Variants in SLC39A11 observed in about 807,000 individuals in gnomAD.
The protein encoded by SLC39A11 is zinc transporter ZIP11.
In SLC39A11, 33 loss-of-function variants were observed where a neutral mutation model predicts 36.1. The observed-to-expected ratio is 0.91, with a 90% CI of 0.69 to 1.22. The LOEUF is 1.22. Ranked by LOEUF, SLC39A11 falls within the 50% of genes most tolerant of loss-of-function variation. The pLI is 0.00. For missense variants in SLC39A11, 432 were observed against 430.3 expected (o/e 1.00, Z -0.03); for synonymous variants, 166 against 170.3 (o/e 0.97, Z 0.20).
chr17:72,957,653 T>C (rs912133301), intron 4 of SLC39A11, among the ~76,000 whole-genome samples: 1 of 152,190 alleles, frequency 6.6e-6, no homozygotes, highest in African/African-American at 2.4e-5. Context: ...ATCCCATCTC[T>C]ACTAAAAATA....
intron 6 of SLC39A11, among the ~76,000 whole-genome samples, chr17:72,744,272 C>T (rs1484771417): frequency 6.6e-6 from 1 of 152,068 alleles, no homozygotes; most frequent in Admixed American, 6.6e-5. Flanking sequence ...ATTTGGTAGT[C>T]GGGGACTATC....
intron 4 of SLC39A11, among the ~76,000 whole-genome samples, chr17:73,002,098 G>A (rs1330057291): frequency 6.6e-6 from 1 of 152,026 alleles, no homozygotes; most frequent in African/African-American, 2.4e-5. Context: ...ATTACAAAAT[G>A]CATTCTATTG....
At chr17:73,076,975 C>T (rs1233505649) in intron 3 of SLC39A11, among the ~76,000 whole-genome samples, 2 of 151,930 alleles carry the variant, frequency 1.3e-5, no homozygotes, top group African/African-American at 2.4e-5. Flanking sequence ...AAGTAGCATC[C>T]CTGGCCTCTA....
At chr17:73,033,034 T>G (rs773443614) in intron 3 of SLC39A11, among the ~76,000 whole-genome samples, 1 of 152,122 alleles carries the variant, frequency 6.6e-6, no homozygotes, top group African/African-American at 2.4e-5. Context: ...GGCAGTGGTT[T>G]TGGGATGAAA....
At chr17:72,774,986 T>C (rs1421846371) in intron 6 of SLC39A11, among the ~76,000 whole-genome samples, 1 of 149,188 alleles carries the variant, frequency 6.7e-6, no homozygotes, top group Admixed American at 6.6e-5. Flanking sequence ...TAATGGTGTC[T>C]GGCTACAAAG....
rs550375487 is a variant in SLC39A11, at chr17:72,843,993, G to A, written c.601+5641C>T. 6.2e-4 allele frequency among the ~76,000 whole-genome samples: 94 copies of A among 151,286 alleles called. 1 individual carries two copies. The Middle Eastern group carries it at 0.014, about 22-fold the overall frequency. On this transcript the variant is annotated intron_variant, in intron 6 of 9. Coordinates refer to ENST00000255559, the MANE Select transcript of SLC39A11 (RefSeq NM_139177.4). The stretch of plus-strand genomic sequence containing the variant: ...TTTTTTAGCAAAATGTCATCCTCAG[G>A]ACATACTAAACTGAAATAGCAAAGA...
chr17:72,835,304 C>A (rs375406510), intron 6 of SLC39A11, among the ~76,000 whole-genome samples: 1 of 152,188 alleles, frequency 6.6e-6, no homozygotes, highest in Non-Finnish European at 1.5e-5. Context: ...CCATCTGTGA[C>A]GTCCCCATTT....
chr17:73,020,879 T>C (rs1284546007), intron 4 of SLC39A11, among the ~76,000 whole-genome samples: 3 of 151,888 alleles, frequency 2.0e-5, no homozygotes, highest in Admixed American at 2.0e-4. Context: ...GACAGGGTTT[T>C]ACCATATTGG....
intron 7 of SLC39A11, among the ~76,000 whole-genome samples, chr17:72,671,498 A>T (rs956859182): frequency 4.6e-5 from 7 of 152,342 alleles, no homozygotes; most frequent in Admixed American, 4.6e-4. Context: ...AGGCAGGTGG[A>T]TCATCTGAGG....
chr17:72,797,815 GC>G (rs903453076), intron 6 of SLC39A11, among the ~76,000 whole-genome samples: 1 of 152,150 alleles, frequency 6.6e-6, no homozygotes, highest in Admixed American at 6.5e-5. Flanking sequence ...ACTTCCTAAT[GC>G]TGCCTCTGGG....
chr17:72,975,174 C>T (rs902294697), intron 4 of SLC39A11, among the ~76,000 whole-genome samples: 1 of 152,162 alleles, frequency 6.6e-6, no homozygotes, highest in Non-Finnish European at 1.5e-5. Flanking sequence ...GGCGGTGGCT[C>T]ACACCTGGAA....
rs1052363853 is a variant in SLC39A11, at chr17:73,026,175, G to A, written c.306+5381C>T. Among the ~76,000 whole-genome samples the A allele has an allele frequency of 1.5e-3, 56 of 38,062 alleles. 1 individual carries two copies. The highest frequency in any genetic ancestry group is 0.014 in the Middle Eastern group (1 of 70). 25.0% of individuals were successfully genotyped at this position (38,062 alleles called of 152,430 possible). On this transcript the variant is annotated intron_variant, in intron 4 of 9. Coordinates refer to ENST00000255559, the MANE Select transcript of SLC39A11 (RefSeq NM_139177.4). ...AGAGCAGAGGAGAGAAGAGAGGAGA[G>A]GAGAAAGAGAAGAGAGAAGAGAAGG...
intron 5 of SLC39A11, among the ~76,000 whole-genome samples, chr17:72,930,525 G>A (rs1160783393): frequency 2.0e-5 from 3 of 152,184 alleles, no homozygotes; most frequent in Non-Finnish European, 2.9e-5. Context: ...ATAAGGTTCT[G>A]AGGAAAAGAA....
intron 4 of SLC39A11, among the ~76,000 whole-genome samples, chr17:72,970,728 G>A (rs1292351876): frequency 6.6e-6 from 1 of 152,224 alleles, no homozygotes; most frequent in Non-Finnish European, 1.5e-5. Flanking sequence ...GGAGTGCCTG[G>A]GTCAAAGGGC....
intron 3 of SLC39A11, among the ~76,000 whole-genome samples, chr17:73,055,132 C>A (rs55974215): frequency 0.4 from 61,123 of 151,918 alleles, 12,851 homozygotes; most frequent in Non-Finnish European, 0.46. Flanking sequence ...GTGTCCCTGT[C>A]CCAAGCCAGT....
rs1413244156 is a variant in SLC39A11 at position 72,822,352 on chromosome 17, T to TAG, written c.601+27281_601+27282insCT. Among the ~76,000 whole-genome samples, 37 of 148,618 alleles carry TAG rather than the reference T, an allele frequency of 2.5e-4. 1 individual carries two copies. Among genetic ancestry groups the TAG allele is most frequent in the African/African-American group, 9.0e-4 (37 of 40,966 alleles). On this transcript the variant is annotated intron_variant, in intron 6 of 9. Transcript: ENST00000255559. The stretch of plus-strand genomic sequence containing the variant: ...GAGAGAGAGAGAGAAAGAATATATA[T>TAG]ATAGAGAGAGAGAGGGAGAGAGATC...
At chr17:72,985,113 G>A (rs1007093591) in intron 4 of SLC39A11, among the ~76,000 whole-genome samples, 1 of 152,212 alleles carries the variant, frequency 6.6e-6, no homozygotes, top group African/African-American at 2.4e-5. Context: ...CTAGGAATGT[G>A]CACACTCCAC....
chr17:73,054,139 T>C (rs2059592782), intron 3 of SLC39A11, among the ~76,000 whole-genome samples: 1 of 152,148 alleles, frequency 6.6e-6, no homozygotes, highest in South Asian at 2.1e-4. Context: ...CCGAGGTGGG[T>C]GGACCACACA....
chr17:72,777,726 A>G (rs2076180588), intron 6 of SLC39A11, among the ~76,000 whole-genome samples: 1 of 152,160 alleles, frequency 6.6e-6, no homozygotes, highest in Admixed American at 6.5e-5. Flanking sequence ...ACTGTGAGAG[A>G]ATACATTTCT....
Sources: gnomAD v4.1 joint callset for allele counts (sites outside exome capture counted in the v4.1 genomes callset) on GRCh38, gnomAD v4.1.1 for gene constraint, MANE v1.5 for transcripts, NCBI Gene and HGNC (gene_info 2026-07-23, HGNC 2026-07-21) for gene names.